CIMAP1D: variants seen among roughly 807,000 people sequenced by gnomAD.
CIMAP1D encodes the protein CIMAP1 family member D.
At chr19:488,039 A>C in the CIMAP1D span, among the ~76,000 whole-genome samples, 1 of 151,640 alleles carries the variant, frequency 6.6e-6, no homozygotes, top group Non-Finnish European at 1.5e-5. Context: ...ATCGATCACG[A>C]CCCTCTCACG....
At chr19:473,652 C>T in the CIMAP1D span, among the ~76,000 whole-genome samples, 1 of 135,994 alleles carries the variant, frequency 7.4e-6, no homozygotes, top group Non-Finnish European at 1.5e-5. Flanking sequence ...TACACGGTCA[C>T]AGATGGGGAG....
chr19:464,730 C>T, the CIMAP1D span, among the ~76,000 whole-genome samples: 1 of 152,200 alleles, frequency 6.6e-6, no homozygotes, highest in Non-Finnish European at 1.5e-5. Context: ...ACTGCCCCAC[C>T]AGACTGGGAT....
the CIMAP1D span, among the ~76,000 whole-genome samples, chr19:475,344 C>G: frequency 6.6e-6 from 1 of 152,094 alleles, no homozygotes; most frequent in Non-Finnish European, 1.5e-5. Flanking sequence ...GAACTGGACA[C>G]GAACAGACGG....
chr19:477,659 A>G, the CIMAP1D span, among the ~76,000 whole-genome samples: 1 of 152,040 alleles, frequency 6.6e-6, no homozygotes, highest in East Asian at 1.9e-4. Context: ...TTTTATTTTT[A>G]TTTGTGTATT....
chr19:475,986 ATTTTTTTTTTTTT>A, the CIMAP1D span, among the ~76,000 whole-genome samples: 56 of 39,274 alleles, frequency 1.4e-3, 1 homozygote, highest in Non-Finnish European at 2.0e-3. Flanking sequence ...CGCCTGGCTA[ATTTTTTTTTTTTT>A]TTTTTTTTTT....
At chr19:486,187 A>C in the CIMAP1D span, among the ~76,000 whole-genome samples, 14 of 152,178 alleles carry the variant, frequency 9.2e-5, no homozygotes, top group Admixed American at 6.5e-4. Flanking sequence ...AGAGGAAGGA[A>C]GGGCTTGTAT....
the CIMAP1D span, among the ~76,000 whole-genome samples, chr19:476,937 C>T: frequency 2.1e-4 from 32 of 152,164 alleles, no homozygotes; most frequent in Admixed American, 9.8e-4. Flanking sequence ...CTGGGCACAG[C>T]GGCTCACACC....
At chr19:472,402 G>A in the CIMAP1D span, 6 of 1,535,990 alleles carry the variant, frequency 3.9e-6, no homozygotes, top group East Asian at 2.5e-5. Context: ...ACCCTCACTG[G>A]GCCTCCGGAC....
the CIMAP1D span, chr19:474,475 G>T: frequency 2.4e-6 from 2 of 822,306 alleles, no homozygotes; most frequent in Non-Finnish European, 3.4e-6. Context: ...CCATCCTGCC[G>T]GAAGGAAAAC....
the CIMAP1D span, chr19:475,109 C>T: frequency 1.4e-5 from 3 of 210,264 alleles, no homozygotes; most frequent in Admixed American, 5.9e-5. Flanking sequence ...GCAAACATGA[C>T]ACCCACAGCC....
the CIMAP1D span, among the ~76,000 whole-genome samples, chr19:477,085 T>C: frequency 5.3e-5 from 8 of 152,186 alleles, no homozygotes; most frequent in Non-Finnish European, 5.9e-5. Context: ...TGTGTGCCTG[T>C]AATCCCAGCT....
the CIMAP1D span, among the ~76,000 whole-genome samples, chr19:482,473 G>A: frequency 6.6e-6 from 1 of 152,200 alleles, no homozygotes; most frequent in Non-Finnish European, 1.5e-5. Flanking sequence ...GACATCTAGT[G>A]ACTGGAGAAC....
the CIMAP1D span, among the ~76,000 whole-genome samples, chr19:475,532 C>T: frequency 6.6e-6 from 1 of 152,058 alleles, no homozygotes; most frequent in African/African-American, 2.4e-5. Context: ...CTGAACAGTC[C>T]CAAAGCAGGT....
At chr19:478,960 C>T in the CIMAP1D span, among the ~76,000 whole-genome samples, 1 of 152,240 alleles carries the variant, frequency 6.6e-6, no homozygotes, top group Non-Finnish European at 1.5e-5. Flanking sequence ...CCTCCCTTTC[C>T]CTTGGAGACA....
At chr19:478,694 T>A in the CIMAP1D span, among the ~76,000 whole-genome samples, 1 of 152,214 alleles carries the variant, frequency 6.6e-6, no homozygotes, top group African/African-American at 2.4e-5. Flanking sequence ...AGAGACTAAA[T>A]CACAACAGTG....
At chr19:479,068 G>A in the CIMAP1D span, among the ~76,000 whole-genome samples, 5 of 152,320 alleles carry the variant, frequency 3.3e-5, no homozygotes, top group African/African-American at 1.2e-4. Flanking sequence ...AAGAGTGAGG[G>A]CCGTGATCAA....
chr19:481,413 G>A, the CIMAP1D span, among the ~76,000 whole-genome samples: 100 of 74,998 alleles, frequency 1.3e-3, no homozygotes, highest in African/African-American at 2.1e-3. Context: ...AGGATGATGG[G>A]AAGGATGATG....
the CIMAP1D span, chr19:475,020 G>A: frequency 2.8e-5 from 10 of 358,104 alleles, no homozygotes; most frequent in African/African-American, 4.2e-5. Flanking sequence ...GAAAGAGTCC[G>A]GTGTCAGCAG....
chr19:479,836 CCTT>C, the CIMAP1D span, among the ~76,000 whole-genome samples: 5 of 151,480 alleles, frequency 3.3e-5, no homozygotes, highest in African/African-American at 1.2e-4. Context: ...ATGCCCGGCC[CCTT>C]CTTCTCTCTT....
Sources: allele counts gnomAD v4.1 joint callset (sites outside exome capture counted in the v4.1 genomes callset), GRCh38; gene constraint gnomAD v4.1.1; transcripts MANE v1.5; gene names NCBI Gene and HGNC (gene_info 2026-07-23, HGNC 2026-07-21).